The following CCDC91 variants were observed in gnomAD, a reference collection of about 807,000 sequenced individuals.
CCDC91 encodes the protein coiled-coil domain-containing protein 91.
CCDC91 carries 48 observed loss-of-function variants against 63.2 expected under a neutral mutation model. That is an observed-to-expected ratio of 0.76 (90% CI 0.60 to 0.97). The LOEUF (loss-of-function observed/expected upper bound fraction) is 0.97. Among genes scored for constraint, CCDC91 ranks in the 50% least tolerant of loss-of-function variants. The pLI is 0.00. For missense variants in CCDC91, 500 were observed against 494.6 expected (o/e 1.01, Z -0.10); for synonymous variants, 167 against 165.8 (o/e 1.01, Z -0.06).
intron 3 of CCDC91, among the ~76,000 whole-genome samples, chr12:28,300,295 A>G (rs1295691502): frequency 6.6e-6 from 1 of 151,504 alleles, no homozygotes; most frequent in Non-Finnish European, 1.5e-5. Flanking sequence ...CCAAACAACT[A>G]ATCAATTGTT....
chr12:28,467,620 A>G (rs953610610), intron 11 of CCDC91, among the ~76,000 whole-genome samples: 1 of 152,128 alleles, frequency 6.6e-6, no homozygotes, highest in African/African-American at 2.4e-5. Context: ...TCTAATAGGT[A>G]TTTAGAGAGC....
intron 12 of CCDC91, among the ~76,000 whole-genome samples, chr12:28,519,904 CT>C (rs1940418620): frequency 6.6e-6 from 1 of 151,660 alleles, no homozygotes; most frequent in Admixed American, 6.6e-5. Flanking sequence ...TGAACTCTTC[CT>C]TTTTTATGGC....
rs371816945 is a variant in CCDC91 at position 28,339,529 on chromosome 12, GA to G, written c.577-22899del. 3.6e-3 allele frequency among the ~76,000 whole-genome samples: 503 copies of G among 138,404 alleles called. 7 individuals are homozygous for G. The East Asian group carries it at 0.046, about 13-fold the overall frequency. 90.8% of individuals were successfully genotyped at this position (138,404 alleles called of 152,430 possible). A position where few individuals can be genotyped will look rare whatever the true frequency, so the allele number is the denominator to read the frequency against. On this transcript the variant is annotated intron_variant, in intron 6 of 12. Coordinates refer to ENST00000536442, the MANE Select transcript of CCDC91 (RefSeq NM_018318.5). ...TCGACTGTGGATCAAAAATATTTGG[GA>G]AAAAAAAAACAATAAAAATAATATA...
In CCDC91 at chr12:28,391,320, C is replaced by A; in HGVS notation, c.671C>A (p.Ser224Ter). 3.7e-6 allele frequency: 6 copies of A among 1,611,376 alleles called. No individual in the cohort carries two copies. Among genetic ancestry groups the A allele is most frequent in the Non-Finnish European group, 5.1e-6 (6 of 1,177,844 alleles). The stretch of plus-strand genomic sequence containing the variant: ...TGTTTTCAGGCACTACTGCAGTCTT[C>A]AGTTAAGCAACAAGTAGAAGCTATT... The part of the protein sequence containing the change: ...VDEYKALLQS[S>*]VKQQVEAIEK... The change falls in exon 8 of 13, where the codon TCA (serine) becomes TAA (stop). Residue 224 changes from serine (S) to a stop codon, truncating the protein, a stop_gained. Transcript: ENST00000536442. LOFTEE classifies it high-confidence loss of function.
In CCDC91 at chr12:28,494,931, C is replaced by T. The variant is rs186846889; in HGVS notation, c.1215+10766C>T. ...TGTCTACTGCATACTCTGGAGATAA[C>T]TATATTATGTGTTTAAGGCCCAGTT... On this transcript the variant is annotated intron_variant, in intron 12 of 12. Transcript: ENST00000536442. 6.6e-5 allele frequency among the ~76,000 whole-genome samples: 10 copies of T among 151,804 alleles called. No individual in the cohort carries two copies. The East Asian group carries it at 1.4e-3, about 21-fold the overall frequency.
chr12:28,365,061 T>A (rs1258955981), intron 7 of CCDC91, among the ~76,000 whole-genome samples: 1 of 152,200 alleles, frequency 6.6e-6, no homozygotes. Context: ...CCTTTGACTA[T>A]AAACTGACTG....
chr12:28,440,381 C>A (rs73085949), intron 8 of CCDC91, among the ~76,000 whole-genome samples: 2 of 152,034 alleles, frequency 1.3e-5, no homozygotes, highest in Admixed American at 6.6e-5. Context: ...TAACCCAGTT[C>A]GTATACAAAC....
chr12:28,331,491 A>G (rs1344065748), intron 6 of CCDC91, among the ~76,000 whole-genome samples: 1 of 151,498 alleles, frequency 6.6e-6, no homozygotes, highest in Non-Finnish European at 1.5e-5. Flanking sequence ...TTTTTAAAAC[A>G]TTATGGAAAT....
intron 6 of CCDC91, among the ~76,000 whole-genome samples, chr12:28,361,156 T>C (rs1943851232): frequency 6.6e-6 from 1 of 151,634 alleles, no homozygotes; most frequent in African/African-American, 2.4e-5. Flanking sequence ...TTATTTATCA[T>C]CTTTTTTAAA....
intron 1 of CCDC91, among the ~76,000 whole-genome samples, chr12:28,218,350 A>G (rs1258464244): frequency 6.6e-6 from 1 of 152,266 alleles, no homozygotes; most frequent in South Asian, 2.1e-4. Flanking sequence ...CTCTAATAGA[A>G]AGCTCGTTTT....
At chr12:28,452,817 T>G (rs950756466) in intron 11 of CCDC91, among the ~76,000 whole-genome samples, 163 bp downstream of exon 11, 33 of 151,924 alleles carry the variant, frequency 2.2e-4, no homozygotes, top group Non-Finnish European at 4.3e-4. Flanking sequence ...GAATTAATCA[T>G]TTTTAATATT....
chr12:28,493,154 T>A (rs1952101171), intron 12 of CCDC91, among the ~76,000 whole-genome samples: 1 of 151,608 alleles, frequency 6.6e-6, no homozygotes, highest in Non-Finnish European at 1.5e-5. Flanking sequence ...CCTAAAATAA[T>A]ACCTCATTTT....
intron 3 of CCDC91, among the ~76,000 whole-genome samples, chr12:28,301,604 T>A (rs191549239): frequency 6.6e-6 from 1 of 151,852 alleles, no homozygotes; most frequent in Admixed American, 6.6e-5. Flanking sequence ...TTTTCCTTCA[T>A]TTTCAGTGTT....
chr12:28,377,031 G>A (rs1270609227), intron 7 of CCDC91, among the ~76,000 whole-genome samples: 2 of 151,414 alleles, frequency 1.3e-5, no homozygotes, highest in Non-Finnish European at 3.0e-5. Flanking sequence ...TGCAAATAAG[G>A]TATGAACATT....
chr12:28,298,332 G>T (rs1949675502), intron 3 of CCDC91, among the ~76,000 whole-genome samples: 2 of 144,798 alleles, frequency 1.4e-5, no homozygotes, highest in African/African-American at 5.0e-5. Context: ...TCCAAATTTT[G>T]TGTTTATTGG....
chr12:28,436,872 G>C (rs1347002605), intron 8 of CCDC91, among the ~76,000 whole-genome samples: 2 of 151,644 alleles, frequency 1.3e-5, no homozygotes, highest in Non-Finnish European at 2.9e-5. Flanking sequence ...CTCCAATCTT[G>C]TAGTTTAAAA....
intron 1 of CCDC91, among the ~76,000 whole-genome samples, chr12:28,234,842 C>T (rs1422968937): frequency 6.6e-6 from 1 of 151,566 alleles, no homozygotes; most frequent in East Asian, 1.9e-4. Context: ...GGAGTTTGTT[C>T]ATACTGTAAA....
At chr12:28,257,444 A>C (rs1946529068) in intron 2 of CCDC91, among the ~76,000 whole-genome samples, 199 bp downstream of exon 2, 1 of 152,162 alleles carries the variant, frequency 6.6e-6, no homozygotes, top group African/African-American at 2.4e-5. Flanking sequence ...TTATTATAGA[A>C]CATTTGGACT....
chr12:28,326,560 C>T (rs1469677612), intron 6 of CCDC91, among the ~76,000 whole-genome samples: 1 of 123,790 alleles, frequency 8.1e-6, no homozygotes, highest in Non-Finnish European at 1.6e-5. Flanking sequence ...CTCCCCCCAC[C>T]CCACAACAGT....
Sources: gnomAD v4.1 joint callset for allele counts (sites outside exome capture counted in the v4.1 genomes callset) on GRCh38, gnomAD v4.1.1 for gene constraint, MANE v1.5 for transcripts, NCBI Gene and HGNC (gene_info 2026-07-23, HGNC 2026-07-21) for gene names.